The following PPP1CB variants were observed in gnomAD, a reference collection of about 807,000 sequenced individuals.
PPP1CB encodes the protein protein phosphatase 1 catalytic subunit beta.
A neutral mutation model predicts 43.7 loss-of-function variants in PPP1CB; 2 were observed. The ratio of observed to expected loss-of-function variants is 0.05; its 90% CI spans 0.02 to 0.14. The LOEUF is 0.14. Ranked by LOEUF, PPP1CB falls within the 10% of genes least tolerant of loss-of-function variation. The probability of loss-of-function intolerance (pLI) is 1.00; values close to 1 mark genes in which losing one functional copy is unlikely to be tolerated. For synonymous variants in PPP1CB, 136 were observed against 135.6 expected, an observed-to-expected ratio of 1.00 and a Z score of -0.02; for missense variants, 84 against 398.0, an observed-to-expected ratio of 0.21 and a Z score of 6.71.
chr2:28,752,608 G>A (rs752804046), intron 1 of PPP1CB, among the ~76,000 whole-genome samples: 1 of 152,192 alleles, frequency 6.6e-6, no homozygotes. Flanking sequence ...ATTGCCCTTG[G>A]CTGCCTCCGA....
At chr2:28,757,189 T>C (rs1224465601) in intron 1 of PPP1CB, among the ~76,000 whole-genome samples, 6 of 152,224 alleles carry the variant, frequency 3.9e-5, no homozygotes, top group Non-Finnish European at 7.3e-5. Context: ...ACATTCATCT[T>C]TGTTGTAGTA....
chr2:28,751,853 G>A lies in PPP1CB; in HGVS notation c.-272G>A, dbSNP rs1307728578. 9.1e-6 allele frequency: 5 copies of A among 549,616 alleles called. No homozygotes were observed. In the East Asian group the frequency reaches 1.0e-4, roughly 11 times the overall value. 34.0% of individuals were successfully genotyped at this position (549,616 alleles called of 1,614,324 possible). A position where few individuals can be genotyped will look rare whatever the true frequency, so the allele number is the denominator to read the frequency against. ...TTGCGGAGCTGGGCGGTGCCGAGGAGGAGGAGGTGGCGGCCTGGGTCTGAC... is the reference window on the plus strand; with the variant it reads ...TTGCGGAGCTGGGCGGTGCCGAGGAAGAGGAGGTGGCGGCCTGGGTCTGAC... On this transcript the variant is annotated 5_prime_UTR_variant, in exon 1 of 8. Coordinates refer to ENST00000395366, the MANE Select transcript of PPP1CB (RefSeq NM_002709.3).
intron 1 of PPP1CB, among the ~76,000 whole-genome samples, chr2:28,759,130 C>T (rs1666578817): frequency 6.6e-6 from 1 of 152,170 alleles, no homozygotes; most frequent in Non-Finnish European, 1.5e-5. Context: ...ATTCCTGTCA[C>T]TTAGTGACAT....
intron 1 of PPP1CB, among the ~76,000 whole-genome samples, chr2:28,775,760 ATGG>A (rs1667024814): frequency 6.6e-6 from 1 of 152,116 alleles, no homozygotes; most frequent in African/African-American, 2.4e-5. Flanking sequence ...GTCAGGGGAG[ATGG>A]TGATGAGAGG....
intron 1 of PPP1CB, among the ~76,000 whole-genome samples, chr2:28,765,070 C>T (rs897499584): frequency 6.6e-5 from 10 of 152,132 alleles, no homozygotes; most frequent in African/African-American, 2.4e-4. Flanking sequence ...AGTATACACA[C>T]AACACACAGA....
intron 1 of PPP1CB, among the ~76,000 whole-genome samples, chr2:28,759,031 T>C (rs972692337): frequency 6.6e-6 from 1 of 152,232 alleles, no homozygotes; most frequent in Non-Finnish European, 1.5e-5. Flanking sequence ...TTGAGTATAG[T>C]CATATGTTCT....
intron 3 of PPP1CB, among the ~76,000 whole-genome samples, chr2:28,781,409 G>A (rs1433114755): frequency 6.6e-6 from 1 of 152,088 alleles, no homozygotes; most frequent in Non-Finnish European, 1.5e-5. Flanking sequence ...GTTAACTGTA[G>A]TCACTGTTAT....
chr2:28,758,663 T>C (rs114859762), intron 1 of PPP1CB, among the ~76,000 whole-genome samples: 1,733 of 152,316 alleles, frequency 0.011, 38 homozygotes, highest in African/African-American at 0.039. Context: ...TGTCATACAG[T>C]AGGAAAAAGG....
chr2:28,778,250 A>T, intron 2 of PPP1CB: 1 of 399,626 alleles, frequency 2.5e-6, no homozygotes, highest in Admixed American at 2.9e-5. Context: ...CTACCAGATA[A>T]TAAAATTGTT....
intron 4 of PPP1CB, 130 bp downstream of exon 4, chr2:28,781,972 A>C: frequency 1.4e-6 from 1 of 698,032 alleles, no homozygotes; most frequent in East Asian, 2.7e-5. Context: ...AAACTGTTTT[A>C]AACATGGCTA....
At chr2:28,751,718 C>T (rs1666271750), upstream of PPP1CB, 1 of 238,106 alleles carries the variant, frequency 4.2e-6, no homozygotes, top group South Asian at 4.2e-5. Flanking sequence ...GGAGCCTCGG[C>T]GGGGAGCGCA....
intron 7 of PPP1CB, among the ~76,000 whole-genome samples, chr2:28,794,921 C>T (rs1285864469): frequency 6.6e-6 from 1 of 152,012 alleles, no homozygotes; most frequent in Non-Finnish European, 1.5e-5. Context: ...TTACATATTG[C>T]TGAGGTTTGG....
chr2:28,787,285 C>T (rs931631495), intron 5 of PPP1CB, among the ~76,000 whole-genome samples: 1 of 152,074 alleles, frequency 6.6e-6, no homozygotes, highest in African/African-American at 2.4e-5. Context: ...CAGTGAAACC[C>T]CATCTCTACT....
chr2:28,753,709 T>C (rs1666404667), intron 1 of PPP1CB, among the ~76,000 whole-genome samples: 1 of 152,202 alleles, frequency 6.6e-6, no homozygotes, highest in South Asian at 2.1e-4. Flanking sequence ...ATTTGGGAAG[T>C]AGAGGCCTAC....
At chr2:28,775,883 T>C (rs1180449187) in intron 1 of PPP1CB, among the ~76,000 whole-genome samples, 10 of 152,214 alleles carry the variant, frequency 6.6e-5, no homozygotes, top group African/African-American at 2.4e-4. Context: ...TATTATCTTA[T>C]GGCTCAGTAA....
intron 1 of PPP1CB, among the ~76,000 whole-genome samples, chr2:28,759,861 C>T (rs1318658307): frequency 2.0e-5 from 3 of 151,914 alleles, no homozygotes; most frequent in Admixed American, 6.6e-5. Flanking sequence ...TCAGGTGATC[C>T]GCCTGCCTCG....
chr2:28,783,911 G>A lies in PPP1CB; in HGVS notation c.525G>A (p.Leu175=). Residue 175 remains leucine, a synonymous_variant, in exon 5 of 8, where the codon TTG becomes TTA. Transcript: ENST00000395366. ...DEKIFCCHGG[L]SPDLQSMEQI... ...GTCTCATCTTTTTATTTATAGGATTGTCACCAGACCTGCAATCTATGGAGC... is the reference window on the plus strand; with the variant it reads ...GTCTCATCTTTTTATTTATAGGATTATCACCAGACCTGCAATCTATGGAGC... The A allele has an allele frequency of 6.2e-7, 1 of 1,610,696 alleles. No individual in the cohort carries two copies. Among genetic ancestry groups the A allele is most frequent in the African/African-American group, 1.3e-5 (1 of 74,932 alleles).
chr2:28,795,316 T>C (rs1279676069), intron 7 of PPP1CB, among the ~76,000 whole-genome samples: 1 of 152,206 alleles, frequency 6.6e-6, no homozygotes, highest in African/African-American at 2.4e-5. Flanking sequence ...TACAAGTGCT[T>C]GTCTTTTTTT....
At chr2:28,757,684 G>A (rs1666525803) in intron 1 of PPP1CB, among the ~76,000 whole-genome samples, 1 of 152,174 alleles carries the variant, frequency 6.6e-6, no homozygotes, top group Admixed American at 6.6e-5. Context: ...TGAGATACTA[G>A]AGGAGACATA....
Sources: gnomAD v4.1 joint callset for allele counts (sites outside exome capture counted in the v4.1 genomes callset) on GRCh38, gnomAD v4.1.1 for gene constraint, MANE v1.5 for transcripts, NCBI Gene and HGNC (gene_info 2026-07-23, HGNC 2026-07-21) for gene names.